POLD3: variants seen among roughly 807,000 people sequenced by gnomAD.
POLD3 encodes the protein DNA polymerase delta subunit 3.
POLD3 carries 19 observed loss-of-function variants against 58.2 expected under a neutral mutation model. The ratio of observed to expected loss-of-function variants is 0.33; its 90% confidence interval spans 0.23 to 0.48. The LOEUF (loss-of-function observed/expected upper bound fraction) is 0.48. Ranked by LOEUF, POLD3 falls within the 20% of genes least tolerant of loss-of-function variation. POLD3 has a pLI of 0.99. For missense variants in POLD3, 504 were observed against 545.5 expected (o/e 0.92, Z 0.76); for synonymous variants, 172 against 193.5 (o/e 0.89, Z 0.92).
At chr11:74,655,032 A>G (rs549242662) in intron 4 of POLD3, among the ~76,000 whole-genome samples, 6 of 152,372 alleles carry the variant, frequency 3.9e-5, no homozygotes, top group Admixed American at 1.3e-4. Flanking sequence ...ACTTGAGGCC[A>G]TGCACACAGG....
intron 3 of POLD3, among the ~76,000 whole-genome samples, chr11:74,605,448 G>T (rs1380655983): frequency 6.6e-6 from 1 of 152,114 alleles, no homozygotes; most frequent in Non-Finnish European, 1.5e-5. Flanking sequence ...TTACTCCCAT[G>T]CCTTGGTGGC....
intron 4 of POLD3, among the ~76,000 whole-genome samples, chr11:74,648,748 A>G (rs1339211568): frequency 1.3e-5 from 2 of 152,234 alleles, no homozygotes; most frequent in Non-Finnish European, 2.9e-5. Flanking sequence ...ACTATAGGCA[A>G]TAGGAAGCCA....
At chr11:74,629,394 A>C in intron 9 of POLD3, 71 bp downstream of exon 9, 1 of 811,776 alleles carries the variant, frequency 1.2e-6, no homozygotes, top group Non-Finnish European at 2.0e-6. Context: ...CTAAAAAAGT[A>C]ATGGATTAAG....
Position 74,642,026 on chromosome 11 carries a change from G to A in POLD3, c.*1260G>A, listed in dbSNP as rs184043356. 12 of 985,458 alleles carry A rather than the reference G, an allele frequency of 1.2e-5. No homozygotes were observed. The East Asian group carries it at 5.7e-4, about 47-fold the overall frequency. 61.0% of individuals were successfully genotyped at this position (985,458 alleles called of 1,614,324 possible). On this transcript the variant is annotated 3_prime_UTR_variant, in exon 12 of 12. Transcript: ENST00000263681. ...GGTGATTTTGCACAGTGAGCTCTGC[G>A]GAAGGGGTCAGGCTCAACTGCTGAT...
chr11:74,619,699 A>G (rs773637050), intron 6 of POLD3, among the ~76,000 whole-genome samples: 1 of 152,230 alleles, frequency 6.6e-6, no homozygotes, highest in Non-Finnish European at 1.5e-5. Flanking sequence ...CTTTGTGTAC[A>G]TACTGCCTCT....
intron 4 of POLD3, among the ~76,000 whole-genome samples, chr11:74,663,837 T>C (rs1217532440): frequency 2.6e-5 from 4 of 152,190 alleles, no homozygotes; most frequent in Non-Finnish European, 5.9e-5. Context: ...GAATGTGAGT[T>C]AGTTATCACC....
At position 74,634,614 on chromosome 11, in the gene POLD3, T is replaced by A; in HGVS notation, c.1038T>A (p.Ala346=). 1.2e-6 allele frequency: 2 copies of A among 1,611,562 alleles called. No individual in the cohort carries two copies. The highest frequency in any genetic ancestry group is 2.2e-5 in the South Asian group (2 of 91,022). The part of the protein sequence containing the change: ...VFPDSPGAYE[A]ESPSPPPPPS... ...CAGACTCTCCTGGGGCTTATGAAGC[T>A]GAGTCACCATCCCCACCTCCTCCTC... Residue 346 remains alanine, a synonymous_variant, in exon 10 of 12, where the codon GCT becomes GCA. Coordinates refer to ENST00000263681, the MANE Select transcript of POLD3 (RefSeq NM_006591.3).
intron 8 of POLD3, chr11:74,628,720 T>A (rs2032502827): frequency 6.6e-6 from 1 of 152,298 alleles, no homozygotes; most frequent in Admixed American, 6.5e-5. Context: ...TCTACTTAGC[T>A]TTTAAGTTTT....
At position 74,642,920 on chromosome 11, in the gene POLD3, C is replaced by A. The variant is rs188575805; in HGVS notation, c.*2154C>A. On this transcript the variant is annotated 3_prime_UTR_variant, in exon 12 of 12. Coordinates refer to ENST00000263681, the MANE Select transcript of POLD3 (RefSeq NM_006591.3). ...AGCACTGGGGAAATGTTAGTTTCAG[C>A]CAACCTCATTTTTTAGTTCATCTAG... 64 of 985,206 alleles carry A rather than the reference C, an allele frequency of 6.5e-5. No individual in the cohort carries two copies. The highest frequency in any genetic ancestry group is 1.0e-3 in the Middle Eastern group (2 of 1,914). The allele number at this position is 985,206 out of a possible 1,614,324, so 61.0% of individuals were successfully genotyped here.
intron 7 of POLD3, 74 bp from the exon 8 acceptor site, chr11:74,625,334 G>A (rs2032392684): frequency 8.1e-7 from 1 of 1,232,836 alleles, no homozygotes. Flanking sequence ...CTGGCACATG[G>A]TAGACTGTCA....
chr11:74,653,160 A>G (rs960576539), intron 4 of POLD3, among the ~76,000 whole-genome samples: 7 of 152,234 alleles, frequency 4.6e-5, no homozygotes, highest in African/African-American at 1.2e-4. Flanking sequence ...TACAAAAGTA[A>G]TGGCAGTTTT....
chr11:74,662,636 T>A (rs1314945443), intron 4 of POLD3, among the ~76,000 whole-genome samples: 1 of 152,008 alleles, frequency 6.6e-6, no homozygotes, highest in Non-Finnish European at 1.5e-5. Context: ...CTGTGCTGCT[T>A]GGAGTTGGAG....
At chr11:74,638,483 G>A (rs1719384840) in intron 11 of POLD3, 2 of 365,074 alleles carry the variant, frequency 5.5e-6, no homozygotes, top group South Asian at 4.3e-5. Flanking sequence ...TTATGAAGGA[G>A]CAAAGTCTTA....
At chr11:74,660,733 G>C (rs2033195934) in intron 4 of POLD3, among the ~76,000 whole-genome samples, 1 of 152,104 alleles carries the variant, frequency 6.6e-6, no homozygotes, top group Non-Finnish European at 1.5e-5. Context: ...GCCAGGTAAG[G>C]TGTGCCGGCT....
intron 4 of POLD3, among the ~76,000 whole-genome samples, chr11:74,662,309 A>G (rs1205535568): frequency 6.6e-6 from 1 of 151,744 alleles, no homozygotes; most frequent in Non-Finnish European, 1.5e-5. Context: ...TGAAGCCAGC[A>G]TGTCTCAGAG....
downstream of POLD3, among the ~76,000 whole-genome samples, chr11:74,647,811 A>G (rs1412658003): frequency 6.6e-6 from 1 of 152,206 alleles, no homozygotes; most frequent in Non-Finnish European, 1.5e-5. Context: ...TGGGGATACA[A>G]AGATGAATTT....
rs2032851868 is a variant in POLD3 at position 74,639,552 on chromosome 11, T to C, written c.1199-1012T>C. Among the ~76,000 whole-genome samples the C allele has an allele frequency of 2.0e-5, 3 of 152,374 alleles. No individual in the cohort carries two copies. In the South Asian group the frequency reaches 6.2e-4, roughly 32 times the overall value. On this transcript the variant is annotated intron_variant, in intron 11 of 11. Coordinates refer to ENST00000263681, the MANE Select transcript of POLD3 (RefSeq NM_006591.3). Reference sequence around the variant, plus strand: ...CAACCAGGAAGGCTGAGAAAGAATTTAGATAGCATTGGTTATACAGCTGCC... The same window carrying C: ...CAACCAGGAAGGCTGAGAAAGAATTCAGATAGCATTGGTTATACAGCTGCC...
intron 11 of POLD3, among the ~76,000 whole-genome samples, chr11:74,639,457 A>T (rs955178689): frequency 2.0e-5 from 3 of 152,234 alleles, no homozygotes; most frequent in Non-Finnish European, 4.4e-5. Flanking sequence ...AGCATTTATT[A>T]TGCATATTAG....
chr11:74,652,686 T>C (rs1417257007), intron 4 of POLD3: 1 of 152,516 alleles, frequency 6.6e-6, no homozygotes, highest in Admixed American at 6.5e-5. Context: ...CTCTATTGTA[T>C]TCTACTAAAG....
Sources: gnomAD v4.1 joint callset for allele counts (sites outside exome capture counted in the v4.1 genomes callset) on GRCh38, gnomAD v4.1.1 for gene constraint, MANE v1.5 for transcripts, NCBI Gene and HGNC (gene_info 2026-07-23, HGNC 2026-07-21) for gene names.